The following GRM8 variants were observed in gnomAD, a reference collection of about 807,000 sequenced individuals.
The protein encoded by GRM8 is metabotropic glutamate receptor 8.
GRM8 carries 47 observed loss-of-function variants against 87.2 expected under a neutral mutation model. That is an observed-to-expected ratio of 0.54 (90% CI 0.43 to 0.69). The LOEUF (loss-of-function observed/expected upper bound fraction) is 0.69. Among genes scored for constraint, GRM8 ranks in the 30% least tolerant of loss-of-function variants. GRM8 has a pLI of 0.00. For synonymous variants in GRM8, 396 were observed against 404.5 expected, an observed-to-expected ratio of 0.98 and a Z score of 0.25; for missense variants, 1,019 against 1,139.2, an observed-to-expected ratio of 0.89 and a Z score of 1.52.
chr7:126,545,992 T>C (rs111782524), intron 8 of GRM8, among the ~76,000 whole-genome samples: 74 of 152,308 alleles, frequency 4.9e-4, no homozygotes, highest in African/African-American at 1.7e-3. Flanking sequence ...TCAACGTTCA[T>C]TTAATGCAAT....
At chr7:126,669,939 G>C (rs1435932652) in intron 7 of GRM8, among the ~76,000 whole-genome samples, 1 of 152,180 alleles carries the variant, frequency 6.6e-6, no homozygotes, top group Non-Finnish European at 1.5e-5. Context: ...TAATCTTGCA[G>C]AAGAGGTTCT....
intron 3 of GRM8, among the ~76,000 whole-genome samples, chr7:127,055,223 G>A (rs185097749): frequency 4.8e-4 from 51 of 106,098 alleles, no homozygotes; most frequent in Non-Finnish European, 9.4e-4. Context: ...GATGTTTTTC[G>A]TCTACAGAAA....
At chr7:126,704,936 G>A (rs760944096) in intron 7 of GRM8, among the ~76,000 whole-genome samples, 1 of 152,042 alleles carries the variant, frequency 6.6e-6, no homozygotes, top group Non-Finnish European at 1.5e-5. Context: ...TGTGAAGTAC[G>A]TGATCTCTGT....
chr7:126,688,739 G>GACACACACACACACACACACACAC (rs3831573), intron 7 of GRM8, among the ~76,000 whole-genome samples: 21 of 145,814 alleles, frequency 1.4e-4, no homozygotes, highest in African/African-American at 4.8e-4. Flanking sequence ...CTCTCTTTCT[G>GACACACACACACACACACACACAC]ACACACACAC....
chr7:127,176,561 A>G (rs1278680413), intron 2 of GRM8, among the ~76,000 whole-genome samples: 2 of 152,220 alleles, frequency 1.3e-5, no homozygotes, highest in East Asian at 1.9e-4. Context: ...AACGACTGCA[A>G]TTACAAACCA....
chr7:127,035,071 AT>A (rs543673336), intron 3 of GRM8, among the ~76,000 whole-genome samples: 5 of 152,244 alleles, frequency 3.3e-5, no homozygotes, highest in Non-Finnish European at 5.9e-5. Flanking sequence ...GAGATTTCAA[AT>A]ACATCTTTGT....
chr7:127,124,405 G>A (rs377140839), intron 2 of GRM8, among the ~76,000 whole-genome samples: 1 of 152,014 alleles, frequency 6.6e-6, no homozygotes, highest in Non-Finnish European at 1.5e-5. Flanking sequence ...TCTACAACAC[G>A]CTCTCTTGGT....
Position 126,996,994 on chromosome 7 carries a change from C to A in GRM8, c.728-92311G>T, listed in dbSNP as rs28951079. Among the ~76,000 whole-genome samples the A allele has an allele frequency of 2.5e-4, 38 of 151,988 alleles. 1 individual carries two copies. In the East Asian group the frequency reaches 7.2e-3, roughly 29 times the overall value. On this transcript the variant is annotated intron_variant, in intron 3 of 10. Coordinates refer to ENST00000339582, the MANE Select transcript of GRM8 (RefSeq NM_000845.3). Reference sequence around the variant, plus strand: ...ATCCAATGGCTACAGAATAAAAATTCTTCAACTCAGCATCATTCTCACAGA... The same window carrying A: ...ATCCAATGGCTACAGAATAAAAATTATTCAACTCAGCATCATTCTCACAGA...
rs570068582 is a variant in GRM8 at position 126,559,558 on chromosome 7, G to A, written c.1495-25671C>T. On this transcript the variant is annotated intron_variant, in intron 8 of 10. Transcript: ENST00000339582. ...AGATTCAAACCTCGTCTCAATTACTGTTGTGCTGGATAATTCTTGAATAGA... is the reference window on the plus strand; with the variant it reads ...AGATTCAAACCTCGTCTCAATTACTATTGTGCTGGATAATTCTTGAATAGA... Among the ~76,000 whole-genome samples the A allele has an allele frequency of 2.9e-4, 44 of 152,276 alleles. 1 individual carries two copies. The South Asian group carries it at 9.1e-3, about 32-fold the overall frequency.
chr7:126,660,438 G>A (rs1805031037), intron 7 of GRM8, among the ~76,000 whole-genome samples: 1 of 152,086 alleles, frequency 6.6e-6, no homozygotes, highest in Non-Finnish European at 1.5e-5. Flanking sequence ...TTATTTTAGA[G>A]ACTATGATAC....
chr7:126,768,355 T>C (rs918159539), intron 7 of GRM8, among the ~76,000 whole-genome samples: 3 of 518 alleles, frequency 5.8e-3, no homozygotes, highest in East Asian at 0.17. Context: ...ACTTTGATAA[T>C]GTAAAAAAAA....
At chr7:127,077,433 C>T (rs1308084781) in intron 3 of GRM8, among the ~76,000 whole-genome samples, 1 of 152,188 alleles carries the variant, frequency 6.6e-6, no homozygotes, top group Non-Finnish European at 1.5e-5. Context: ...ATTTCCAGAG[C>T]AGGTTCCAGC....
chr7:127,154,678 C>T (rs1216598087), intron 2 of GRM8, among the ~76,000 whole-genome samples: 2 of 152,054 alleles, frequency 1.3e-5, no homozygotes, highest in African/African-American at 4.8e-5. Context: ...AGACAAATGG[C>T]ATTTCTTAGA....
intron 2 of GRM8, among the ~76,000 whole-genome samples, chr7:127,125,285 T>C (rs553129409): frequency 2.0e-5 from 3 of 152,180 alleles, no homozygotes; most frequent in South Asian, 2.1e-4. Context: ...AAGCTAGATA[T>C]AGAGATTAAT....
chr7:127,046,745 T>C (rs933903059), intron 3 of GRM8, among the ~76,000 whole-genome samples: 7 of 152,214 alleles, frequency 4.6e-5, no homozygotes, highest in Admixed American at 4.6e-4. Context: ...ATGAACAAAT[T>C]TACTTTCTTC....
At chr7:127,154,457 C>T (rs909480832) in intron 2 of GRM8, among the ~76,000 whole-genome samples, 1 of 152,128 alleles carries the variant, frequency 6.6e-6, no homozygotes, top group Non-Finnish European at 1.5e-5. Context: ...AATTCCCACT[C>T]CTCCTCCTCA....
At chr7:127,004,868 C>A (rs2132059681) in intron 3 of GRM8, among the ~76,000 whole-genome samples, 1 of 150,812 alleles carries the variant, frequency 6.6e-6, no homozygotes, top group African/African-American at 2.4e-5. Flanking sequence ...CAGTCATTAA[C>A]TTAAAAAATT....
At chr7:126,464,037 A>G (rs757563562) in intron 9 of GRM8, among the ~76,000 whole-genome samples, 1 of 151,670 alleles carries the variant, frequency 6.6e-6, no homozygotes, top group Non-Finnish European at 1.5e-5. Flanking sequence ...TGCTTTTCCT[A>G]TAATTATTGA....
At chr7:126,838,843 A>G (rs1796024553) in intron 6 of GRM8, among the ~76,000 whole-genome samples, 1 of 152,178 alleles carries the variant, frequency 6.6e-6, no homozygotes, top group Admixed American at 6.5e-5. Flanking sequence ...AAAGATTACC[A>G]TGGACTCTCA....
Sources: allele counts gnomAD v4.1 joint callset (sites outside exome capture counted in the v4.1 genomes callset), GRCh38; gene constraint gnomAD v4.1.1; transcripts MANE v1.5; gene names NCBI Gene and HGNC (gene_info 2026-07-23, HGNC 2026-07-21).